The following CAMK2D variants were observed in gnomAD, a reference collection of about 807,000 sequenced individuals.
CAMK2D encodes the protein calcium/calmodulin dependent protein kinase II delta.
A neutral mutation model predicts 84.0 loss-of-function variants in CAMK2D; 37 were observed. The ratio of observed to expected loss-of-function variants is 0.44; its 90% CI spans 0.34 to 0.58. The LOEUF is 0.58. Among genes scored for constraint, CAMK2D ranks in the 20% least tolerant of loss-of-function variants. The probability of loss-of-function intolerance (pLI) is 0.02; values close to 1 mark genes in which losing one functional copy is unlikely to be tolerated. For missense variants in CAMK2D, 448 were observed against 652.5 expected (o/e 0.69, Z 3.41); for synonymous variants, 202 against 212.5 (o/e 0.95, Z 0.43).
chr4:113,552,715 C>T (rs1242181880), intron 4 of CAMK2D, among the ~76,000 whole-genome samples: 2 of 152,158 alleles, frequency 1.3e-5, no homozygotes, highest in African/African-American at 4.8e-5. Flanking sequence ...CATATGCGTA[C>T]ATACATGCGT....
chr4:113,638,568 T>C (rs1000647039), intron 3 of CAMK2D, among the ~76,000 whole-genome samples: 3 of 152,082 alleles, frequency 2.0e-5, no homozygotes, highest in African/African-American at 7.2e-5. Context: ...TAGAATGCAG[T>C]TGGACCACTT....
intron 2 of CAMK2D, among the ~76,000 whole-genome samples, chr4:113,715,968 C>A (rs2099512122): frequency 6.6e-6 from 1 of 152,096 alleles, no homozygotes; most frequent in South Asian, 2.1e-4. Context: ...ATACTTGTGC[C>A]ACATCACCGG....
In CAMK2D at chr4:113,653,294, G is replaced by C. The variant is rs77657540; in HGVS notation, c.220+8419C>G. ...AAGAGAATAATCAATTTTGCAGACTGTTATATATTCTAAGAAGTAATTTGG... is the reference window on the plus strand; with the variant it reads ...AAGAGAATAATCAATTTTGCAGACTCTTATATATTCTAAGAAGTAATTTGG... On this transcript the variant is annotated intron_variant, in intron 3 of 20. Coordinates refer to ENST00000511664, the MANE Select transcript of CAMK2D (RefSeq NM_001321571.2). Among the ~76,000 whole-genome samples, 40 of 152,114 alleles carry C rather than the reference G, an allele frequency of 2.6e-4. No homozygotes were observed. In the East Asian group the frequency reaches 7.3e-3, roughly 28 times the overall value.
Position 113,552,052 on chromosome 4 carries a change from T to C in CAMK2D, c.320A>G (p.Tyr107Cys). 6.3e-7 allele frequency: 1 copy of C among 1,588,316 alleles called. No homozygotes were observed. Among genetic ancestry groups the C allele is most frequent in the South Asian group, 1.1e-5 (1 of 89,644 alleles). ...ELFEDIVARE[Y>C]YSEADASHCI... Reference sequence around the variant, plus strand: ...TTACCTGGCATCAGCTTCACTGTAGTATTCTCTTGCCACTATGTCTTCAAA... The same window carrying C: ...TTACCTGGCATCAGCTTCACTGTAGCATTCTCTTGCCACTATGTCTTCAAA... The change falls in exon 5 of 21, where the codon TAC (tyrosine) becomes TGC (cysteine). Residue 107 changes from tyrosine to cysteine, a missense_variant. Around this residue, in one of 7 missense-constraint regions of CAMK2D, gnomAD observed 7 missense variants for 25.5 expected, o/e 0.27. Transcript: ENST00000511664.
rs550713029 is a variant in CAMK2D at position 113,452,718 on chromosome 4, C to G, written c.*1827G>C. 10 of 152,134 alleles carry G rather than the reference C, an allele frequency of 6.6e-5. No individual in the cohort carries two copies. The South Asian group carries it at 1.2e-3, about 19-fold the overall frequency. 9.4% of individuals were successfully genotyped at this position (152,134 alleles called of 1,614,324 possible). ...ATGTATGCCACGTATAGCTGCTTCA[C>G]AAAAGGGTAAAAGAAATTAAAAAGA... is the stretch of plus-strand genomic sequence containing the variant. On this transcript the variant is annotated 3_prime_UTR_variant, in exon 21 of 21. Transcript: ENST00000511664.
At position 113,678,398 on chromosome 4, in the gene CAMK2D, G is replaced by A. The variant is rs141065149; in HGVS notation, c.161-16626C>T. On this transcript the variant is annotated intron_variant, in intron 2 of 20. Transcript: ENST00000511664. ...AGCCTTTTAGGCATCTATTCTCTTC[G>A]TGACATCAGTGGGCTAAACTAAGAC... 1.5e-3 allele frequency among the ~76,000 whole-genome samples: 233 copies of A among 151,664 alleles called. 2 individuals are homozygous for A. The highest frequency in any genetic ancestry group is 5.4e-3 in the African/African-American group (222 of 41,384).
At chr4:113,581,943 T>A (rs1591520925) in intron 4 of CAMK2D, among the ~76,000 whole-genome samples, 1 of 152,304 alleles carries the variant, frequency 6.6e-6, no homozygotes, top group South Asian at 2.1e-4. Context: ...TATGCTCATC[T>A]CCCTTTCCAT....
At chr4:113,530,784 G>A (rs2154182361) in intron 8 of CAMK2D, among the ~76,000 whole-genome samples, 1 of 152,262 alleles carries the variant, frequency 6.6e-6, no homozygotes, top group Admixed American at 6.5e-5. Flanking sequence ...CTTCACAACT[G>A]TGAGAAATAA....
intron 16 of CAMK2D, among the ~76,000 whole-genome samples, chr4:113,476,605 A>G (rs544688790): frequency 6.6e-6 from 1 of 152,326 alleles, no homozygotes; most frequent in South Asian, 2.1e-4. Context: ...ATAAAAGGCC[A>G]CAAGGTTAGA....
intron 2 of CAMK2D, among the ~76,000 whole-genome samples, chr4:113,740,980 G>GT (rs57310774): frequency 0.014 from 2,200 of 152,218 alleles, 53 homozygotes; most frequent in African/African-American, 0.05. Flanking sequence ...ATAAAATCTT[G>GT]TAACACCTAA....
At chr4:113,525,800 G>A (rs1485004563) in intron 8 of CAMK2D, among the ~76,000 whole-genome samples, 1 of 152,130 alleles carries the variant, frequency 6.6e-6, no homozygotes, top group African/African-American at 2.4e-5. Context: ...TTTCTGAGTA[G>A]TGTAATTTTT....
chr4:113,756,605 TAA>T (rs1409714836), intron 2 of CAMK2D, among the ~76,000 whole-genome samples: 1 of 152,076 alleles, frequency 6.6e-6, no homozygotes, highest in African/African-American at 2.4e-5. Context: ...TGAGTGTTAT[TAA>T]AAGACTTCAT....
chr4:113,551,981 G>A, intron 5 of CAMK2D, 50 bp downstream of exon 5: 1 of 835,064 alleles, frequency 1.2e-6, no homozygotes, highest in Non-Finnish European at 2.0e-6. Flanking sequence ...TGCTGAAAAA[G>A]TATTATTTGA....
intron 4 of CAMK2D, among the ~76,000 whole-genome samples, chr4:113,578,618 A>C (rs1323295546): frequency 6.6e-6 from 1 of 152,208 alleles, no homozygotes; most frequent in Non-Finnish European, 1.5e-5. Flanking sequence ...TACAGTTTAA[A>C]TATGATATCT....
intron 4 of CAMK2D, among the ~76,000 whole-genome samples, chr4:113,593,842 A>G (rs979050844): frequency 7.9e-5 from 12 of 152,076 alleles, no homozygotes; most frequent in Non-Finnish European, 1.8e-4. Flanking sequence ...ATCTAAATAT[A>G]GGACTACAGA....
intron 2 of CAMK2D, among the ~76,000 whole-genome samples, chr4:113,735,052 A>G (rs2099577702): frequency 6.6e-6 from 1 of 151,918 alleles, no homozygotes; most frequent in South Asian, 2.1e-4. Flanking sequence ...CACACAAACA[A>G]AACACAATAA....
At chr4:113,684,888 C>T (rs1181424903) in intron 2 of CAMK2D, among the ~76,000 whole-genome samples, 1 of 152,196 alleles carries the variant, frequency 6.6e-6, no homozygotes, top group Non-Finnish European at 1.5e-5. Flanking sequence ...CAAGCAACAG[C>T]TCCACTCTGT....
At chr4:113,584,713 G>T (rs545774728) in intron 4 of CAMK2D, among the ~76,000 whole-genome samples, 1 of 152,130 alleles carries the variant, frequency 6.6e-6, no homozygotes, top group South Asian at 2.1e-4. Context: ...CTTAGATAAG[G>T]GAGAAAAAGA....
chr4:113,626,980 T>C (rs888142013), intron 3 of CAMK2D, among the ~76,000 whole-genome samples: 2 of 152,194 alleles, frequency 1.3e-5, no homozygotes, highest in Non-Finnish European at 2.9e-5. Flanking sequence ...TTATTCACTA[T>C]ACAAATGAAG....
Sources: gnomAD v4.1 joint callset for allele counts (sites outside exome capture counted in the v4.1 genomes callset) on GRCh38, gnomAD v4.1.1 for gene constraint, gnomAD v4.1.1 regional missense constraint, MANE v1.5 for transcripts, NCBI Gene and HGNC (gene_info 2026-07-23, HGNC 2026-07-21) for gene names.